PLA2G6: variants seen among roughly 807,000 people sequenced by gnomAD.
PLA2G6 encodes the protein phospholipase A2 group VI.
A neutral mutation model predicts 83.8 loss-of-function variants in PLA2G6; 62 were observed. The ratio of observed to expected loss-of-function variants is 0.74; its 90% CI spans 0.60 to 0.91. PLA2G6 has a LOEUF of 0.91. Ranked by LOEUF, PLA2G6 falls within the 40% of genes least tolerant of loss-of-function variation. PLA2G6 has a pLI of 0.00. For missense variants in PLA2G6, 944 were observed against 1,102.0 expected, an observed-to-expected ratio of 0.86 and a Z score of 2.03; for synonymous variants, 417 against 449.8, an observed-to-expected ratio of 0.93 and a Z score of 0.92.
In PLA2G6 at chr22:38,128,248, G is replaced by A. The variant is rs947201238; in HGVS notation, c.1348+21C>T. On this transcript the variant is annotated intron_variant, in intron 9 of 16. Coordinates refer to ENST00000332509, the MANE Select transcript of PLA2G6 (RefSeq NM_003560.4). This position sits in a 1 kb window ranked among gnomAD's most constrained non-coding sequence, Gnocchi z 4.4. The stretch of plus-strand genomic sequence containing the variant: ...GCCTGGGAACCAGCTGGAGAAGAGG[G>A]AGTCGGGAGGCGAGGCCTACCTAGG... 2.5e-6 allele frequency: 4 copies of A among 1,611,214 alleles called. No individual in the cohort carries two copies. Among genetic ancestry groups the A allele is most frequent in the Non-Finnish European group, 2.5e-6 (3 of 1,179,200 alleles).
chr22:38,120,329 G>GA (rs2087449304), intron 12 of PLA2G6, among the ~76,000 whole-genome samples: 1 of 152,256 alleles, frequency 6.6e-6, no homozygotes, highest in African/African-American at 2.4e-5. Flanking sequence ...TGAAATGTGA[G>GA]AAAATGTTTA....
chr22:38,125,980 C>T (rs2087829105), intron 10 of PLA2G6, among the ~76,000 whole-genome samples: 1 of 152,202 alleles, frequency 6.6e-6, no homozygotes, highest in Non-Finnish European at 1.5e-5. Context: ...CAGCCCACGC[C>T]ACTATTCTGC....
intron 2 of PLA2G6, among the ~76,000 whole-genome samples, chr22:38,165,722 CAAA>C (rs542494525): frequency 6.6e-6 from 1 of 151,444 alleles, no homozygotes; most frequent in Admixed American, 6.6e-5. Context: ...ACTAAAAATA[CAAA>C]AAAAATTAAC....
chr22:38,143,473 G>A (rs536784916), intron 3 of PLA2G6, 185 bp from the exon 4 acceptor site: 8 of 684,612 alleles, frequency 1.2e-5, no homozygotes, highest in South Asian at 7.7e-5. Flanking sequence ...GATGTGACCT[G>A]TATCAGGTTT....
intron 13 of PLA2G6, 48 bp downstream of exon 13, chr22:38,116,026 GC>G (rs766027969): frequency 1.9e-6 from 3 of 1,606,080 alleles, no homozygotes; most frequent in Non-Finnish European, 2.6e-6. Context: ...CCACCCCACA[GC>G]CTCTCGGGCC....
intron 1 of PLA2G6, among the ~76,000 whole-genome samples, chr22:38,175,978 A>G (rs1381131172): frequency 3.3e-5 from 5 of 152,194 alleles, no homozygotes; most frequent in Admixed American, 6.5e-5. Flanking sequence ...CTTGAAGGTG[A>G]TAACAGGGAC....
rs530348521 is a variant in PLA2G6 at position 38,112,559 on chromosome 22, G to C, written c.2221C>G (p.Arg741Gly). ...VVDCCTDPDGRAVDRARAWCE... is the reference protein window; with the variant it reads ...VVDCCTDPDGGAVDRARAWCE... ...CAGGCCCGTGCCCGGTCCACAGCCC[G>C]CCCGTCTGGATCCGTGCACTGGTGA... Residue 741 changes from arginine (R) to glycine (G), a missense_variant, in exon 16 of 17, where the codon CGG becomes GGG. Coordinates refer to ENST00000332509, the MANE Select transcript of PLA2G6 (RefSeq NM_003560.4). 6.4e-7 allele frequency: 1 copy of C among 1,552,890 alleles called. No individual in the cohort carries two copies. The highest frequency in any genetic ancestry group is 8.7e-7 in the Non-Finnish European group (1 of 1,149,338).
At chr22:38,112,635 G>A (rs1000140578) in intron 15 of PLA2G6, 58 bp from the exon 16 acceptor site, 50 of 1,369,918 alleles carry the variant, frequency 3.6e-5, no homozygotes, top group Admixed American at 2.2e-4. Context: ...CCCGCACCCC[G>A]CCCGGCCCTG....
intron 2 of PLA2G6, 98 bp downstream of exon 2, chr22:38,169,120 A>C: frequency 8.7e-6 from 8 of 922,726 alleles, no homozygotes; most frequent in Non-Finnish European, 1.2e-5. Flanking sequence ...CCCCTCAGAC[A>C]GAGACTCAAA....
chr22:38,161,292 A>G (rs935446825), intron 2 of PLA2G6, among the ~76,000 whole-genome samples: 1 of 152,088 alleles, frequency 6.6e-6, no homozygotes, highest in African/African-American at 2.4e-5. Context: ...AGAGTTCCTG[A>G]TGAGGGTTCA....
intron 1 of PLA2G6, among the ~76,000 whole-genome samples, chr22:38,170,619 A>G (rs1602273474): frequency 6.6e-6 from 1 of 152,152 alleles, no homozygotes; most frequent in East Asian, 1.9e-4. Flanking sequence ...CTGCCTTCCT[A>G]AGGTACTGTC....
rs759131158 is a variant in PLA2G6 at position 38,113,565 on chromosome 22, G to C, written c.2124C>G (p.Val708=). The change falls in exon 15 of 17, where the codon GTC becomes GTG. Residue 708 remains valine, a synonymous_variant. Transcript: ENST00000332509. The part of the protein sequence containing the change: ...SPQVPVTCVD[V]FRPSNPWELA... Reference sequence around the variant, plus strand: ...GCTCCCAGGGGTTGCTGGGACGGAAGACATCCACACAGGTCACAGGCACTT... The same window carrying C: ...GCTCCCAGGGGTTGCTGGGACGGAACACATCCACACAGGTCACAGGCACTT... The C allele has an allele frequency of 1.1e-5, 17 of 1,613,906 alleles. No homozygotes were observed. The South Asian group carries it at 1.8e-4, about 17-fold the overall frequency.
chr22:38,127,102 C>G, intron 9 of PLA2G6: 5 of 1,115,352 alleles, frequency 4.5e-6, no homozygotes, highest in Non-Finnish European at 5.5e-6. Context: ...ACAAGCAGCC[C>G]AGTCCCCAGG....
intron 10 of PLA2G6, among the ~76,000 whole-genome samples, chr22:38,125,322 G>C (rs911302079): frequency 6.6e-6 from 1 of 152,166 alleles, no homozygotes; most frequent in Non-Finnish European, 1.5e-5. Context: ...GCGTGCATGT[G>C]TGCGTGTGTG....
chr22:38,143,688 T>A, intron 3 of PLA2G6: 1 of 365,708 alleles, frequency 2.7e-6, no homozygotes, highest in Non-Finnish European at 5.3e-6. Flanking sequence ...GATGGTGAGA[T>A]GAGACAGTGC....
At chr22:38,171,402 C>T (rs887152436) in intron 1 of PLA2G6, among the ~76,000 whole-genome samples, 3 of 152,118 alleles carry the variant, frequency 2.0e-5, no homozygotes, top group East Asian at 1.9e-4. Flanking sequence ...GGCTCTGTTG[C>T]CCAGGCTGGA....
chr22:38,171,390 C>G (rs1477321508), intron 1 of PLA2G6, among the ~76,000 whole-genome samples: 1 of 152,160 alleles, frequency 6.6e-6, no homozygotes. Context: ...GAAACAGGGT[C>G]TGGCTCTGTT....
At chr22:38,159,714 A>G (rs2089931884) in intron 2 of PLA2G6, among the ~76,000 whole-genome samples, 1 of 145,842 alleles carries the variant, frequency 6.9e-6, no homozygotes, top group African/African-American at 2.5e-5. Flanking sequence ...TGGGTGAGAG[A>G]GAGATAGATG....
intron 2 of PLA2G6, among the ~76,000 whole-genome samples, chr22:38,158,473 G>A (rs895473128): frequency 5.3e-5 from 8 of 152,292 alleles, no homozygotes; most frequent in Non-Finnish European, 8.8e-5. Flanking sequence ...AACCCGCCAC[G>A]TCAAGATATT....
Sources: gnomAD v4.1 joint callset for allele counts (sites outside exome capture counted in the v4.1 genomes callset) on GRCh38, gnomAD v4.1.1 for gene constraint, Gnocchi (gnomAD v3.1) non-coding constraint, MANE v1.5 for transcripts, NCBI Gene and HGNC (gene_info 2026-07-23, HGNC 2026-07-21) for gene names.